The following PLCB1 variants were observed in gnomAD, a reference collection of about 807,000 sequenced individuals.
The protein encoded by PLCB1 is 1-phosphatidylinositol 4,5-bisphosphate phosphodiesterase beta-1.
PLCB1 carries 46 observed loss-of-function variants against 161.8 expected under a neutral mutation model. The ratio of observed to expected loss-of-function variants is 0.28; its 90% CI spans 0.22 to 0.36. The LOEUF (loss-of-function observed/expected upper bound fraction) is 0.36, where lower values mean the gene tolerates loss of function less well. Among genes scored for constraint, PLCB1 ranks in the 10% least tolerant of loss-of-function variants. The probability of loss-of-function intolerance (pLI) is 1.00; values close to 1 mark genes in which losing one functional copy is unlikely to be tolerated. For missense variants in PLCB1, 1,016 were observed against 1,472.5 expected (o/e 0.69, Z 5.07); for synonymous variants, 517 against 503.7 (o/e 1.03, Z -0.35).
intron 31 of PLCB1, among the ~76,000 whole-genome samples, chr20:8,879,886 A>G (rs1987910478): frequency 6.6e-6 from 1 of 152,134 alleles, no homozygotes; most frequent in Non-Finnish European, 1.5e-5. Flanking sequence ...CAGATGGAGG[A>G]TGCACAGCCA....
At chr20:8,538,874 A>G (rs1985160774) in intron 3 of PLCB1, among the ~76,000 whole-genome samples, 1 of 151,166 alleles carries the variant, frequency 6.6e-6, no homozygotes, top group African/African-American at 2.4e-5. Context: ...GCTCACTGCA[A>G]CCTCTGCCTC....
intron 3 of PLCB1, among the ~76,000 whole-genome samples, chr20:8,491,272 T>C (rs192795299): frequency 8.5e-5 from 13 of 152,236 alleles, no homozygotes; most frequent in Non-Finnish European, 1.9e-4. Flanking sequence ...TTAAATTTCT[T>C]TCAGTATTGC....
At position 8,291,789 on chromosome 20, in the gene PLCB1, A is replaced by G. The variant is rs943381459; in HGVS notation, c.178-79593A>G. Among the ~76,000 whole-genome samples, 6 of 152,176 alleles carry G rather than the reference A, an allele frequency of 3.9e-5. No homozygotes were observed. In the East Asian group the frequency reaches 7.7e-4, roughly 20 times the overall value. ...TTTATTCCCATTTTACAGATGGGGA[A>G]GTTGAAGCACTGAGAAATTGTCATG... On this transcript the variant is annotated intron_variant, in intron 2 of 31. Coordinates refer to ENST00000338037, the MANE Select transcript of PLCB1 (RefSeq NM_015192.4).
intron 3 of PLCB1, among the ~76,000 whole-genome samples, chr20:8,394,161 C>G (rs774292864): frequency 2.4e-4 from 37 of 152,068 alleles, no homozygotes; most frequent in Non-Finnish European, 5.0e-4. Context: ...TTTAGACAAG[C>G]CTAATGCCTA....
At chr20:8,425,380 A>C (rs1205713678) in intron 3 of PLCB1, among the ~76,000 whole-genome samples, 1 of 152,136 alleles carries the variant, frequency 6.6e-6, no homozygotes, top group African/African-American at 2.4e-5. Context: ...AAACAGTCTT[A>C]GGTTCCCTGC....
At chr20:8,673,275 G>A (rs1989995356) in intron 9 of PLCB1, among the ~76,000 whole-genome samples, 1 of 152,164 alleles carries the variant, frequency 6.6e-6, no homozygotes, top group Non-Finnish European at 1.5e-5. Flanking sequence ...AAGAAGAGAT[G>A]GCACTGATGG....
chr20:8,730,378 G>C (rs1980173803), intron 18 of PLCB1, among the ~76,000 whole-genome samples: 1 of 146,658 alleles, frequency 6.8e-6, no homozygotes, highest in Admixed American at 7.1e-5. Flanking sequence ...CACGTTAATA[G>C]ATACAGCCTT....
rs1418081977 is a variant in PLCB1 at position 8,132,595 on chromosome 20, A to ACGGTCCC, written c.-55_-49dup. The ACGGTCCC allele has an allele frequency of 8.6e-7, 1 of 1,163,042 alleles. No individual in the cohort carries two copies. Among genetic ancestry groups the ACGGTCCC allele is most frequent in the Non-Finnish European group, 1.2e-6 (1 of 856,970 alleles). 72.0% of individuals were successfully genotyped at this position (1,163,042 alleles called of 1,614,324 possible). A position where few individuals can be genotyped will look rare whatever the true frequency, so the allele number is the denominator to read the frequency against. On this transcript the variant is annotated 5_prime_UTR_variant, in exon 1 of 32. Coordinates refer to ENST00000338037, the MANE Select transcript of PLCB1 (RefSeq NM_015192.4). The surrounding 1 kb of genome is among the most constrained non-coding windows in gnomAD (Gnocchi z 5.2). ...GCGCCCCGCGCCCCGCGCCCCGCGC[A>ACGGTCCC]CGGTCCCCAGTCCCTGCCGCGCTCG...
At chr20:8,182,728 C>T (rs1022785818) in intron 2 of PLCB1, among the ~76,000 whole-genome samples, 6 of 151,726 alleles carry the variant, frequency 4.0e-5, no homozygotes, top group African/African-American at 1.5e-4. Flanking sequence ...TTACAGGCGC[C>T]CGCAACCATG....
chr20:8,217,979 A>G (rs1046079368), intron 2 of PLCB1, among the ~76,000 whole-genome samples: 1 of 152,120 alleles, frequency 6.6e-6, no homozygotes, highest in Non-Finnish European at 1.5e-5. Flanking sequence ...CAGAACTATA[A>G]GAAACAAAAC....
At chr20:8,774,964 CTTATG>C (rs1477309248) in intron 27 of PLCB1, among the ~76,000 whole-genome samples, 1 of 151,970 alleles carries the variant, frequency 6.6e-6, no homozygotes, top group Non-Finnish European at 1.5e-5. Context: ...TTTTCACTAA[CTTATG>C]TTGAGTTTAT....
At chr20:8,538,049 C>G (rs995060640) in intron 3 of PLCB1, among the ~76,000 whole-genome samples, 4 of 152,054 alleles carry the variant, frequency 2.6e-5, no homozygotes, top group Admixed American at 2.6e-4. Flanking sequence ...ACTAGAGTCC[C>G]TCTTTGATGA....
intron 3 of PLCB1, among the ~76,000 whole-genome samples, chr20:8,610,521 A>G (rs985998722): frequency 1.3e-5 from 2 of 152,304 alleles, no homozygotes; most frequent in African/African-American, 4.8e-5. Flanking sequence ...GCTGGGTCAT[A>G]TGATGGCTGT....
intron 26 of PLCB1, among the ~76,000 whole-genome samples, chr20:8,769,529 T>C (rs1241143548): frequency 1.3e-5 from 2 of 152,204 alleles, no homozygotes; most frequent in Admixed American, 6.5e-5. Context: ...GGCTAACCAA[T>C]GGACAACGTA....
chr20:8,358,185 C>T (rs184830511), intron 2 of PLCB1, among the ~76,000 whole-genome samples: 1 of 144,532 alleles, frequency 6.9e-6, no homozygotes, highest in African/African-American at 2.7e-5. Flanking sequence ...ACCTGCTTTC[C>T]TTGTACTCCA....
intron 2 of PLCB1, among the ~76,000 whole-genome samples, chr20:8,223,193 C>T (rs186629433): frequency 2.1e-4 from 32 of 152,284 alleles, no homozygotes; most frequent in Admixed American, 2.0e-3. Context: ...AGTTGCCCTG[C>T]TAAGGAGTCT....
At chr20:8,787,504 A>G (rs1883548) in intron 27 of PLCB1, among the ~76,000 whole-genome samples, 50,991 of 152,112 alleles carry the variant, frequency 0.34, 9,069 homozygotes, top group East Asian at 0.51. Context: ...ATCTCCATCT[A>G]TGGGAAAAGC....
At chr20:8,792,704 T>G (rs1983823013) in intron 31 of PLCB1, 2 of 458,158 alleles carry the variant, frequency 4.4e-6, no homozygotes, top group African/African-American at 4.1e-5. Flanking sequence ...AACTAAAGCA[T>G]TTCTTGAGGG....
intron 2 of PLCB1, among the ~76,000 whole-genome samples, chr20:8,229,033 T>G (rs929769473): frequency 2.0e-5 from 3 of 152,084 alleles, no homozygotes; most frequent in African/African-American, 7.2e-5. Context: ...AATCCCCCCA[T>G]GCACCCTCCC....
Sources: gnomAD v4.1 joint callset for allele counts (sites outside exome capture counted in the v4.1 genomes callset) on GRCh38, gnomAD v4.1.1 for gene constraint, Gnocchi (gnomAD v3.1) non-coding constraint, MANE v1.5 for transcripts, NCBI Gene and HGNC (gene_info 2026-07-23, HGNC 2026-07-21) for gene names.